Variants in RPH3A observed in about 807,000 individuals in gnomAD.
RPH3A encodes rabphilin 3A, also known as rabphilin-3A.
In RPH3A, 48 loss-of-function variants were observed where a neutral mutation model predicts 102.2. The ratio of observed to expected loss-of-function variants is 0.47; its 90% confidence interval spans 0.37 to 0.60. The LOEUF is 0.60. Among genes scored for constraint, RPH3A ranks in the 20% least tolerant of loss-of-function variants. The pLI is 0.00. For missense variants in RPH3A, 781 were observed against 910.1 expected (o/e 0.86, Z 1.83); for synonymous variants, 310 against 324.3 (o/e 0.96, Z 0.47).
chr12:112,787,613 T>C (rs376231343), upstream of RPH3A, among the ~76,000 whole-genome samples: 110 of 152,320 alleles, frequency 7.2e-4, 1 homozygote, highest in South Asian at 0.022. Context: ...GAATGCCAGA[T>C]AGCATAATGA....
intron 5 of RPH3A, among the ~76,000 whole-genome samples, chr12:112,863,244 C>A (rs1412992101): frequency 6.6e-6 from 1 of 152,206 alleles, no homozygotes; most frequent in East Asian, 1.9e-4. Context: ...TTTAACAGAT[C>A]CCCGTGTCAT....
intron 1 of RPH3A, among the ~76,000 whole-genome samples, chr12:112,642,313 A>G (rs758783213): frequency 6.6e-5 from 10 of 152,196 alleles, no homozygotes; most frequent in Non-Finnish European, 1.5e-4. Context: ...ACTAAAGTGT[A>G]GAGAGGTTAA....
At chr12:112,789,321 C>T (rs967083558), upstream of RPH3A, among the ~76,000 whole-genome samples, 20 of 152,176 alleles carry the variant, frequency 1.3e-4, no homozygotes, top group Non-Finnish European at 2.8e-4. Flanking sequence ...TCTCTGGTCC[C>T]GAGTTTCTCC....
intron 1 of RPH3A, among the ~76,000 whole-genome samples, chr12:112,668,883 T>A (rs1253367098): frequency 6.6e-6 from 1 of 152,204 alleles, no homozygotes; most frequent in Non-Finnish European, 1.5e-5. Flanking sequence ...GCTGCCCTGA[T>A]TCGACATCCT....
chr12:112,877,276 T>C (rs1371329888), intron 13 of RPH3A, among the ~76,000 whole-genome samples: 2 of 152,122 alleles, frequency 1.3e-5, no homozygotes, highest in South Asian at 2.1e-4. Flanking sequence ...TTAATGTATA[T>C]CTTCTAAAAG....
At chr12:112,594,626 C>T (rs908694666) in intron 1 of RPH3A, among the ~76,000 whole-genome samples, 3 of 152,292 alleles carry the variant, frequency 2.0e-5, no homozygotes, top group Middle Eastern at 6.8e-3. Flanking sequence ...CCAGCAAAAA[C>T]AAAACAGATT....
upstream of RPH3A, among the ~76,000 whole-genome samples, chr12:112,789,462 G>A (rs796996658): frequency 3.8e-4 from 58 of 152,224 alleles, no homozygotes; most frequent in African/African-American, 1.3e-3. Flanking sequence ...CATGTTCTTT[G>A]GAATCATACG....
At chr12:112,655,719 T>C (rs111797347) in intron 1 of RPH3A, among the ~76,000 whole-genome samples, 3,190 of 151,902 alleles carry the variant, frequency 0.021, 116 homozygotes, top group African/African-American at 0.074. Flanking sequence ...TACAGGTGCA[T>C]ACCACCATGC....
chr12:112,822,606 C>CT (rs149245247), intron 2 of RPH3A, among the ~76,000 whole-genome samples: 3,825 of 152,180 alleles, frequency 0.025, 143 homozygotes, highest in African/African-American at 0.086. Context: ...AGGACAGAGT[C>CT]TTTGTAGCAG....
chr12:112,875,753 C>A lies in RPH3A; in HGVS notation c.946+12C>A. Reference sequence around the variant, plus strand: ...AGATCAGAAGCCAGGCAAGTATCTGCTTCCTCCCATGCCTGCCCAAGTGGC... The same window carrying A: ...AGATCAGAAGCCAGGCAAGTATCTGATTCCTCCCATGCCTGCCCAAGTGGC... On this transcript the variant is annotated intron_variant, in intron 12 of 21. Transcript: ENST00000389385. The A allele has an allele frequency of 6.2e-7, 1 of 1,613,340 alleles. No individual in the cohort carries two copies. Among genetic ancestry groups the A allele is most frequent in the African/African-American group, 1.3e-5 (1 of 75,002 alleles).
At chr12:112,847,990 C>A in intron 5 of RPH3A, 148 bp downstream of exon 5, 2 of 760,036 alleles carry the variant, frequency 2.6e-6, no homozygotes, top group Non-Finnish European at 4.2e-6. Flanking sequence ...CCCCGCCCCA[C>A]CCCCTTCCCC....
intron 1 of RPH3A, among the ~76,000 whole-genome samples, chr12:112,714,165 G>T (rs941527958): frequency 6.6e-6 from 1 of 152,128 alleles, no homozygotes; most frequent in African/African-American, 2.4e-5. Context: ...GCTGGAGAGG[G>T]CACGAGCAGC....
intron 17 of RPH3A, among the ~76,000 whole-genome samples, chr12:112,889,397 A>AG (rs548943326): frequency 3.4e-4 from 52 of 152,332 alleles, no homozygotes; most frequent in African/African-American, 1.1e-3. Context: ...GGACACCCAG[A>AG]GGGCTGCAGC....
intron 1 of RPH3A, among the ~76,000 whole-genome samples, chr12:112,783,718 G>A (rs1029446162): frequency 6.6e-6 from 1 of 152,118 alleles, no homozygotes; most frequent in African/African-American, 2.4e-5. Context: ...TGAGGCTAAG[G>A]CACAGCGAGG....
rs1305726625 is a variant in RPH3A at position 112,897,090 on chromosome 12, GTTC to G, written c.*314_*316del. Reference sequence around the variant, plus strand: ...CTCTCAGTTTGGGTAAATTACAAAGGTTCTTCATCATTTAGGACTGTTTTTAGA... The same window carrying G: ...CTCTCAGTTTGGGTAAATTACAAAGGTTCATCATTTAGGACTGTTTTTAGA... On this transcript the variant is annotated 3_prime_UTR_variant, in exon 22 of 22. Coordinates refer to ENST00000389385, the MANE Select transcript of RPH3A (RefSeq NM_001143854.2). 3 of 301,668 alleles carry G rather than the reference GTTC, an allele frequency of 9.9e-6. No homozygotes were observed. In the Admixed American group the frequency reaches 1.2e-4, roughly 12 times the overall value. 18.7% of individuals were successfully genotyped at this position (301,668 alleles called of 1,614,324 possible).
chr12:112,624,628 C>T (rs2039758368), intron 1 of RPH3A, among the ~76,000 whole-genome samples: 1 of 151,208 alleles, frequency 6.6e-6, no homozygotes, highest in Admixed American at 6.6e-5. Flanking sequence ...ACCAGAGGTA[C>T]AAGGAGGAAC....
chr12:112,614,224 G>A (rs945916693), intron 1 of RPH3A, among the ~76,000 whole-genome samples: 1 of 152,140 alleles, frequency 6.6e-6, no homozygotes, highest in African/African-American at 2.4e-5. Flanking sequence ...TCCTAAATTT[G>A]TGGCAATTTG....
At position 112,868,546 on chromosome 12, in the gene RPH3A, T is replaced by G. The variant is rs751256508; in HGVS notation, c.561T>G (p.Pro187=). 7 of 1,614,016 alleles carry G rather than the reference T, an allele frequency of 4.3e-6. No individual in the cohort carries two copies. Among genetic ancestry groups the G allele is most frequent in the Non-Finnish European group, 5.9e-6 (7 of 1,180,010 alleles). The change falls in exon 8 of 22, where the codon CCT becomes CCG. Residue 187 remains proline, a synonymous_variant. Coordinates refer to ENST00000389385, the MANE Select transcript of RPH3A (RefSeq NM_001143854.2). Reference sequence around the variant, plus strand: ...AGCCTGTCAGTGAGCCTGCTGCCCCTGAACAGCCTGCTCCTGAGCCCAAGC... The same window carrying G: ...AGCCTGTCAGTGAGCCTGCTGCCCCGGAACAGCCTGCTCCTGAGCCCAAGC... ...PQQPVSEPAA[P]EQPAPEPKHP... is the part of the protein sequence containing the mutation.
chr12:112,611,635 G>A (rs531115906), intron 1 of RPH3A, among the ~76,000 whole-genome samples: 9 of 152,148 alleles, frequency 5.9e-5, no homozygotes, highest in Non-Finnish European at 1.2e-4. Context: ...GATTGGGAGG[G>A]GGGGTTCACC....
Sources: allele counts gnomAD v4.1 joint callset (sites outside exome capture counted in the v4.1 genomes callset), GRCh38; gene constraint gnomAD v4.1.1; transcripts MANE v1.5; gene names NCBI Gene and HGNC (gene_info 2026-07-23, HGNC 2026-07-21).